Variants in TENM2 observed in about 807,000 individuals in gnomAD.
The protein encoded by TENM2 is teneurin-2.
Under a neutral mutation model 245.2 loss-of-function variants are expected in TENM2, and 52 were observed. The ratio of observed to expected loss-of-function variants is 0.21; its 90% CI spans 0.17 to 0.27. The LOEUF (loss-of-function observed/expected upper bound fraction) is 0.27. Among genes scored for constraint, TENM2 ranks in the 10% least tolerant of loss-of-function variants. The pLI, the probability that TENM2 is intolerant of heterozygous loss-of-function variation, is 1.00. For synonymous variants in TENM2, 1,363 were observed against 1,438.9 expected (o/e 0.95, Z 1.19); for missense variants, 3,046 against 3,666.8 (o/e 0.83, Z 4.37).
chr5:168,062,311 G>A (rs769510722), intron 7 of TENM2, 46 bp downstream of exon 9: 25 of 1,459,732 alleles, frequency 1.7e-5, no homozygotes, highest in East Asian at 2.3e-5. Flanking sequence ...AAATATATAC[G>A]TATATATGTG....
chr5:167,789,681 A>G (rs1764819072), intron 2 of TENM2, among the ~76,000 whole-genome samples: 1 of 152,146 alleles, frequency 6.6e-6, no homozygotes, highest in Non-Finnish European at 1.5e-5. Context: ...CCATCTTAGT[A>G]TGTGCTTTCA....
chr5:166,991,421 A>C, the TENM2 span, among the ~76,000 whole-genome samples: 1 of 151,554 alleles, frequency 6.6e-6, no homozygotes, highest in African/African-American at 2.4e-5. Context: ...AGATAATTTT[A>C]TTTAAAATTG....
At chr5:167,692,704 C>A (rs1465212804) in intron 2 of TENM2, among the ~76,000 whole-genome samples, 1 of 152,114 alleles carries the variant, frequency 6.6e-6, no homozygotes, top group African/African-American at 2.4e-5. Flanking sequence ...TAGGGAGACC[C>A]AGCTGTTCAA....
intron 19 of TENM2, among the ~76,000 whole-genome samples, chr5:168,205,341 A>G (rs966225348): frequency 7.9e-5 from 12 of 152,164 alleles, no homozygotes; most frequent in Non-Finnish European, 1.6e-4. Flanking sequence ...GTGGGGTCAA[A>G]CAAAGCACCT....
intron 2 of TENM2, among the ~76,000 whole-genome samples, chr5:167,801,412 G>GGAACTAACA (rs936195413): frequency 1.3e-5 from 2 of 151,674 alleles, no homozygotes; most frequent in Non-Finnish European, 2.9e-5. Flanking sequence ...ATATCCTAAT[G>GGAACTAACA]GAACTAACAG....
At chr5:167,256,456 C>G in the TENM2 span, among the ~76,000 whole-genome samples, 1 of 152,088 alleles carries the variant, frequency 6.6e-6, no homozygotes, top group Non-Finnish European at 1.5e-5. Flanking sequence ...TGAGATCTGC[C>G]AGGGCATTTC....
intron 2 of TENM2, among the ~76,000 whole-genome samples, chr5:167,856,148 G>A (rs1232399068): frequency 6.6e-6 from 1 of 152,112 alleles, no homozygotes; most frequent in Admixed American, 6.5e-5. Context: ...AACAAACAAT[G>A]TGACCCGTTT....
At chr5:168,161,046 C>T (rs1234924739) in intron 12 of TENM2, among the ~76,000 whole-genome samples, 1 of 151,950 alleles carries the variant, frequency 6.6e-6, no homozygotes, top group African/African-American at 2.4e-5. Context: ...CCCACCACTG[C>T]CATATGCATA....
intron 9 of TENM2, among the ~76,000 whole-genome samples, chr5:168,112,990 A>G (rs1184014558): frequency 6.6e-6 from 1 of 152,232 alleles, no homozygotes; most frequent in Non-Finnish European, 1.5e-5. Context: ...ACTAGCTTCA[A>G]GTATTTTCAC....
chr5:168,216,846 T>A (rs773453574), exon 22 of TENM2: 1 of 1,613,940 alleles, frequency 6.2e-7, no homozygotes, highest in Non-Finnish European at 8.5e-7. Context: ...AATGGAATCA[T>A]CTCCACCCTG....
At chr5:167,617,173 AC>A (rs1201903382) in intron 2 of TENM2, among the ~76,000 whole-genome samples, 7 of 152,080 alleles carry the variant, frequency 4.6e-5, no homozygotes, top group Admixed American at 2.0e-4. Flanking sequence ...TTGAGATGTA[AC>A]TTTTTAATGT....
intron 2 of TENM2, among the ~76,000 whole-genome samples, chr5:167,452,853 C>T (rs1328023841): frequency 2.8e-5 from 4 of 143,470 alleles, no homozygotes; most frequent in Non-Finnish European, 6.1e-5. Flanking sequence ...ATGGGTGCAG[C>T]ACACCAACAT....
At chr5:167,654,044 A>G (rs949485545) in intron 2 of TENM2, 1 of 152,102 alleles carries the variant, frequency 6.6e-6, no homozygotes, top group Non-Finnish European at 1.5e-5. Context: ...TTTTTCTTAC[A>G]TCAGTCTGAG....
At chr5:167,375,522 G>T in intron 2 of TENM2, 49 bp downstream of exon 4, 3 of 1,501,810 alleles carry the variant, frequency 2.0e-6, no homozygotes, top group Middle Eastern at 1.7e-4. Context: ...ACTGCACCAC[G>T]TGGGGCTTTG....
At chr5:167,538,254 A>G (rs1229575481) in intron 2 of TENM2, among the ~76,000 whole-genome samples, 1 of 152,254 alleles carries the variant, frequency 6.6e-6, no homozygotes, top group Non-Finnish European at 1.5e-5. Flanking sequence ...GGCGATTTCA[A>G]ATAATCGAGA....
chr5:167,569,793 A>G (rs1204344532), intron 2 of TENM2, among the ~76,000 whole-genome samples: 1 of 152,184 alleles, frequency 6.6e-6, no homozygotes, highest in Non-Finnish European at 1.5e-5. Flanking sequence ...AGTTCTCACA[A>G]TATTTTACAG....
chr5:167,360,231 A>G (rs1322865322), intron 1 of TENM2, among the ~76,000 whole-genome samples: 2 of 152,214 alleles, frequency 1.3e-5, no homozygotes, highest in Non-Finnish European at 2.9e-5. Flanking sequence ...AAGGCACTGT[A>G]TCGCCCTAAA....
At chr5:167,326,630 G>C (rs1409842604) in intron 1 of TENM2, among the ~76,000 whole-genome samples, 2 of 151,204 alleles carry the variant, frequency 1.3e-5, no homozygotes, top group Non-Finnish European at 2.9e-5. Flanking sequence ...CCGAGTTCAT[G>C]CCACTGCACT....
intron 1 of TENM2, among the ~76,000 whole-genome samples, chr5:167,290,206 G>T (rs2127718277): frequency 6.6e-6 from 1 of 152,282 alleles, no homozygotes; most frequent in Middle Eastern, 3.4e-3. Context: ...GGAGGCATAT[G>T]TGAAAAGAGT....
Sources: gnomAD v4.1 joint callset for allele counts (sites outside exome capture counted in the v4.1 genomes callset) on GRCh38, gnomAD v4.1.1 for gene constraint, MANE v1.5 for transcripts, NCBI Gene and HGNC (gene_info 2026-07-23, HGNC 2026-07-21) for gene names.